The following FRY variants were observed in gnomAD, a reference collection of about 807,000 sequenced individuals.
FRY encodes FRY microtubule binding protein.
A neutral mutation model predicts 348.4 loss-of-function variants in FRY; 128 were observed. The observed-to-expected ratio is 0.37, with a 90% CI of 0.32 to 0.43. The LOEUF (loss-of-function observed/expected upper bound fraction) is 0.43. FRY is among the 20% of genes least tolerant of loss of function. The pLI is 1.00. For synonymous variants in FRY, 1,370 were observed against 1,374.7 expected (o/e 1.00, Z 0.08); for missense variants, 2,736 against 3,695.2 (o/e 0.74, Z 6.73).
At chr13:32,096,374 C>T (rs1420204434) in intron 2 of FRY, among the ~76,000 whole-genome samples, 2 of 150,868 alleles carry the variant, frequency 1.3e-5, no homozygotes, top group Non-Finnish European at 2.9e-5. Context: ...GGAATGCTAA[C>T]AAGAATAGGT....
At position 32,171,213 on chromosome 13, in the gene FRY, A is replaced by G. The variant is rs1172451498; in HGVS notation, c.2094A>G (p.Leu698=). 1 of 1,613,126 alleles carries G rather than the reference A, an allele frequency of 6.2e-7. No homozygotes were observed. Among genetic ancestry groups the G allele is most frequent in the African/African-American group, 1.3e-5 (1 of 74,828 alleles). ...TGCAGCTGCTCACCCAGTGGAAACT[A>G]GTCATCCAGACACAAGGAAAAGTCT... is the stretch of plus-strand genomic sequence containing the variant. ...LLLQLLTQWK[L]VIQTQGKVYE... is the part of the protein sequence containing the mutation. Residue 698 remains leucine (L), a synonymous_variant, in exon 18 of 61, where the codon CTA becomes CTG. Coordinates refer to ENST00000542859, the MANE Select transcript of FRY (RefSeq NM_023037.3).
chr13:32,183,158 A>G, intron 24 of FRY, 124 bp downstream of exon 24: 2 of 610,254 alleles, frequency 3.3e-6, no homozygotes, highest in South Asian at 2.1e-5. Flanking sequence ...ATGAATCTTT[A>G]TATTTTAACT....
chr13:32,250,117 C>A (rs1887002184), intron 49 of FRY, among the ~76,000 whole-genome samples: 1 of 152,304 alleles, frequency 6.6e-6, no homozygotes, highest in African/African-American at 2.4e-5. Context: ...ACGGAACAGG[C>A]ACCTCAACCA....
chr13:32,234,306 C>A (rs1301983267), intron 41 of FRY, among the ~76,000 whole-genome samples: 1 of 151,642 alleles, frequency 6.6e-6, no homozygotes, highest in Non-Finnish European at 1.5e-5. Context: ...GCCTGTAGTC[C>A]CAGCTACTTG....
intron 59 of FRY, among the ~76,000 whole-genome samples, chr13:32,291,355 T>G (rs1389730652): frequency 6.6e-6 from 1 of 152,172 alleles, no homozygotes; most frequent in Non-Finnish European, 1.5e-5. Context: ...ACTCTTTTCT[T>G]TTTTATTTGC....
At chr13:32,077,161 A>T (rs543971936) in intron 1 of FRY, among the ~76,000 whole-genome samples, 4 of 152,276 alleles carry the variant, frequency 2.6e-5, no homozygotes, top group Non-Finnish European at 4.4e-5. Context: ...CATCAGCAGG[A>T]CTTGGGTGAG....
chr13:32,191,611 C>T (rs1566121632), intron 28 of FRY, among the ~76,000 whole-genome samples: 1 of 152,158 alleles, frequency 6.6e-6, no homozygotes, highest in Non-Finnish European at 1.5e-5. Flanking sequence ...TTATCAACAA[C>T]AGAAATTTAT....
chr13:32,234,585 G>A lies in FRY; in HGVS notation c.5539G>A (p.Glu1847Lys), dbSNP rs1372908497. 1 of 1,613,842 alleles carries A rather than the reference G, an allele frequency of 6.2e-7. No homozygotes were observed. The highest frequency in any genetic ancestry group is 8.5e-7 in the Non-Finnish European group (1 of 1,179,988). The change falls in exon 42 of 61, where the codon GAG (glutamate) becomes AAG (lysine). Residue 1847 changes from glutamate (E) to lysine (K), a missense_variant. Coordinates refer to ENST00000542859, the MANE Select transcript of FRY (RefSeq NM_023037.3). The part of the protein sequence containing the change: ...FKDSKSGFHL[E>K]HQLSEVALQT... Reference sequence around the variant, plus strand: ...TCTTGTTACCCTAGGCTTCCATCTGGAGCACCAGTTGAGTGAAGTTGCATT... The same window carrying A: ...TCTTGTTACCCTAGGCTTCCATCTGAAGCACCAGTTGAGTGAAGTTGCATT...
At chr13:32,139,798 A>G (rs1879947712) in intron 11 of FRY, among the ~76,000 whole-genome samples, 1 of 152,182 alleles carries the variant, frequency 6.6e-6, no homozygotes, top group African/African-American at 2.4e-5. Context: ...TCAGAATCTG[A>G]ACATATTGTG....
At chr13:32,261,495 G>A (rs759108557) in intron 51 of FRY, 121 bp from the exon 52 acceptor site, 2 of 891,436 alleles carry the variant, frequency 2.2e-6, no homozygotes, top group East Asian at 4.8e-5. Flanking sequence ...TACCAAAGTC[G>A]ATGAGGGCCT....
chr13:32,243,267 G>T (rs1455996384), intron 46 of FRY, among the ~76,000 whole-genome samples: 1 of 152,046 alleles, frequency 6.6e-6, no homozygotes, highest in Non-Finnish European at 1.5e-5. Flanking sequence ...ACTGCATGAC[G>T]TTTCATTATA....
chr13:32,042,061 T>G (rs1453066426), intron 1 of FRY, among the ~76,000 whole-genome samples: 1 of 152,236 alleles, frequency 6.6e-6, no homozygotes, highest in African/African-American at 2.4e-5. Context: ...TTTATTTTGT[T>G]ATCTGTTTTG....
chr13:32,189,686 T>C (rs1883220608), intron 28 of FRY, among the ~76,000 whole-genome samples: 1 of 151,982 alleles, frequency 6.6e-6, no homozygotes, highest in Non-Finnish European at 1.5e-5. Flanking sequence ...ACCAGATGGC[T>C]TTGCTGATGA....
At chr13:32,113,049 A>G (rs975506770) in intron 3 of FRY, among the ~76,000 whole-genome samples, 3 of 152,186 alleles carry the variant, frequency 2.0e-5, no homozygotes, top group Admixed American at 2.0e-4. Context: ...TTTTTATGAT[A>G]TTGTTTTTCT....
chr13:32,241,578 G>A (rs186400377), intron 46 of FRY, among the ~76,000 whole-genome samples: 24 of 152,298 alleles, frequency 1.6e-4, no homozygotes, highest in African/African-American at 5.5e-4. Context: ...GGTAGATAGT[G>A]GTGATAGTTG....
At chr13:32,108,673 G>A (rs904930393) in intron 3 of FRY, among the ~76,000 whole-genome samples, 16 of 152,142 alleles carry the variant, frequency 1.1e-4, no homozygotes, top group African/African-American at 3.9e-4. Context: ...ATGTGGGGGA[G>A]GGAAGTCCAC....
chr13:32,141,703 C>T (rs1168875895), intron 11 of FRY, among the ~76,000 whole-genome samples: 3 of 152,190 alleles, frequency 2.0e-5, no homozygotes, highest in African/African-American at 7.2e-5. Flanking sequence ...CTGATTGCAT[C>T]ACCAGCCAAG....
At chr13:32,264,586 AAC>A in intron 53 of FRY, among the ~76,000 whole-genome samples, 1 of 152,244 alleles carries the variant, frequency 6.6e-6, no homozygotes, top group East Asian at 1.9e-4. Context: ...TCTCCTAAAG[AAC>A]AATCAGTCCT....
At position 32,225,023 on chromosome 13, in the gene FRY, T is replaced by C. The variant is rs200588798; in HGVS notation, c.5007T>C (p.His1669=). The C allele has an allele frequency of 1.3e-6, 2 of 1,590,682 alleles. No homozygotes were observed. The highest frequency in any genetic ancestry group is 2.2e-5 in the South Asian group (2 of 90,628). Residue 1669 remains histidine (H), a synonymous_variant, in exon 38 of 61, where the codon CAT becomes CAC. Transcript: ENST00000542859. ...CGCTTCATCTACCATTATTACTTCATGCTGTCTTCTTAGGTAAGACTGGAT... is the reference window on the plus strand; with the variant it reads ...CGCTTCATCTACCATTATTACTTCACGCTGTCTTCTTAGGTAAGACTGGAT... The part of the protein sequence containing the change: ...DWALHLPLLL[H]AVFLGLDHYR...
Sources: gnomAD v4.1 joint callset for allele counts (sites outside exome capture counted in the v4.1 genomes callset) on GRCh38, gnomAD v4.1.1 for gene constraint, MANE v1.5 for transcripts, NCBI Gene and HGNC (gene_info 2026-07-23, HGNC 2026-07-21) for gene names.